B4GALNT4: variants seen among roughly 807,000 people sequenced by gnomAD.
B4GALNT4 encodes beta-1,4-N-acetyl-galactosaminyltransferase 4, also known as N-acetyl-beta-glucosaminyl-glycoprotein 4-beta-N-acetylgalactosaminyltransferase 1.
A neutral mutation model predicts 110.0 loss-of-function variants in B4GALNT4; 77 were observed. The observed-to-expected ratio is 0.70, with a 90% confidence interval of 0.58 to 0.85. The LOEUF is 0.85. Ranked by LOEUF, B4GALNT4 falls within the 40% of genes least tolerant of loss-of-function variation. The pLI, the probability that B4GALNT4 is intolerant of heterozygous loss-of-function variation, is 0.00. For missense variants in B4GALNT4, 1,575 were observed against 1,506.0 expected (o/e 1.05, Z -0.76); for synonymous variants, 785 against 655.5 (o/e 1.20, Z -3.02).
At position 379,848 on chromosome 11, in the gene B4GALNT4, C is replaced by G. The variant is rs200643221; in HGVS notation, c.2489-18C>G. 485 of 1,579,132 alleles carry G rather than the reference C, an allele frequency of 3.1e-4. 4 individuals are homozygous for G. In the East Asian group the frequency reaches 9.0e-3, roughly 29 times the overall value. The stretch of plus-strand genomic sequence containing the variant: ...AGTCAGCGTCGGCTCAGCGCCCCCC[C>G]CGCCTTTTCTCCTCCAGTGAAAAAC... On this transcript the variant is annotated intron_variant, in intron 15 of 19. Coordinates refer to ENST00000329962, the MANE Select transcript of B4GALNT4 (RefSeq NM_178537.5).
At chr11:371,579 C>T (rs2119635874) in intron 1 of B4GALNT4, among the ~76,000 whole-genome samples, 1 of 152,388 alleles carries the variant, frequency 6.6e-6, no homozygotes, top group Middle Eastern at 3.4e-3. Flanking sequence ...GCCTGGGCGT[C>T]AGCATCCATG....
In B4GALNT4 at chr11:380,240, G is replaced by T. The variant is rs766510280; in HGVS notation, c.2715+38G>T. On this transcript the variant is annotated intron_variant, in intron 17 of 19. Coordinates refer to ENST00000329962, the MANE Select transcript of B4GALNT4 (RefSeq NM_178537.5). ...CATGGGGGTCGGGGAGCAAAACGGG[G>T]CGTGCCCGGGGAGGAGCGGAGGGCG... 16 of 1,607,254 alleles carry T rather than the reference G, an allele frequency of 1.0e-5. No individual in the cohort carries two copies. In the African/African-American group the frequency reaches 1.3e-4, roughly 13 times the overall value.
In B4GALNT4 at chr11:377,217, G is replaced by A. The variant is rs1351116448; in HGVS notation, c.2094G>A (p.Ser698=). The A allele has an allele frequency of 3.1e-6, 5 of 1,596,118 alleles. No homozygotes were observed. Among genetic ancestry groups the A allele is most frequent in the Non-Finnish European group, 4.3e-6 (5 of 1,172,542 alleles). ...VGAVDFELLR[S]DWNDLRCNVS... Reference sequence around the variant, plus strand: ...CCGTGGACTTCGAGCTGCTGCGCTCGGACTGGAACGACCTGCGATGCAACG... The same window carrying A: ...CCGTGGACTTCGAGCTGCTGCGCTCAGACTGGAACGACCTGCGATGCAACG... Residue 698 remains serine, a synonymous_variant, in exon 14 of 20, where the codon TCG becomes TCA. Coordinates refer to ENST00000329962, the MANE Select transcript of B4GALNT4 (RefSeq NM_178537.5).
intron 6 of B4GALNT4, 46 bp from the exon 7 acceptor site, chr11:373,403 A>ACTGGGGGGGGGGGG: frequency 7.9e-7 from 1 of 1,259,480 alleles, no homozygotes; most frequent in Non-Finnish European, 1.1e-6. Flanking sequence ...CCAGGGAGAG[A>ACTGGGGGGGGGGGG]GTGAACCCCC....
At position 380,394 on chromosome 11, in the gene B4GALNT4, G is replaced by A. The variant is rs529184280; in HGVS notation, c.2818G>A (p.Ala940Thr). The A allele has an allele frequency of 1.9e-6, 3 of 1,612,790 alleles. No individual in the cohort carries two copies. Among genetic ancestry groups the A allele is most frequent in the East Asian group, 2.2e-5 (1 of 44,854 alleles). ...CTGCGTGGAGGGCAGGCTGGCCTTC[G>A]CGCCCGTGGTCATGCGCCTGAGCTG... ...KHCVEGRLAF[A>T]PVVMRLSCGS... The change falls in exon 18 of 20, where the codon GCG becomes ACG. Residue 940 changes from alanine to threonine, a missense_variant. Coordinates refer to ENST00000329962, the MANE Select transcript of B4GALNT4 (RefSeq NM_178537.5).
At chr11:376,204 G>T in intron 12 of B4GALNT4, 30 bp downstream of exon 12, 1 of 1,587,604 alleles carries the variant, frequency 6.3e-7, no homozygotes, top group East Asian at 2.2e-5. Flanking sequence ...AATGCGGGGC[G>T]GGGTGGGCGG....
At position 377,264 on chromosome 11, in the gene B4GALNT4, C is replaced by T. The variant is rs567088543; in HGVS notation, c.2141C>T (p.Pro714Leu). ...AACGTTTCGGGGAACCTGCAGCTGC[C>T]GGAGGCGGAGGCCGTGGACGTGACC... ...RCNVSGNLQLPEAEAVDVTAQ... is the reference protein window; with the variant it reads ...RCNVSGNLQLLEAEAVDVTAQ... The change falls in exon 14 of 20, where the codon CCG becomes CTG. Residue 714 changes from proline (P) to leucine (L), a missense_variant. Transcript: ENST00000329962. 9.4e-6 allele frequency: 15 copies of T among 1,594,044 alleles called. No individual in the cohort carries two copies. Among genetic ancestry groups the T allele is most frequent in the East Asian group, 4.6e-5 (2 of 43,856 alleles).
rs1297276165 is a variant in B4GALNT4, at chr11:376,160, G to C, written c.1182G>C (p.Pro394=). The change falls in exon 12 of 20, where the codon CCG becomes CCC. Residue 394 remains proline (P), a synonymous_variant. Transcript: ENST00000329962. ...TDNKCFYRES[P]LYLERFGFYK... ...ACAAGTGCTTCTACCGCGAGTCTCC[G>C]CTGTATCTGGAGAGGTGGGCGCGCG... 3.8e-6 allele frequency: 6 copies of C among 1,583,970 alleles called. No individual in the cohort carries two copies. Among genetic ancestry groups the C allele is most frequent in the East Asian group, 2.3e-5 (1 of 42,824 alleles).
At chr11:370,746 G>T (rs1564866910) in intron 1 of B4GALNT4, among the ~76,000 whole-genome samples, 1 of 152,136 alleles carries the variant, frequency 6.6e-6, no homozygotes, top group African/African-American at 2.4e-5. Context: ...GCCCAGACCA[G>T]GAGAGACCCC....
In B4GALNT4 at chr11:380,218, G is replaced by A; in HGVS notation, c.2715+16G>A. 6.2e-7 allele frequency: 1 copy of A among 1,604,814 alleles called. No homozygotes were observed. The highest frequency in any genetic ancestry group is 8.5e-7 in the Non-Finnish European group (1 of 1,174,040). ...CGCGGTAGAGGTCCGAGGGCCCCAT[G>A]GGGGTCGGGGAGCAAAACGGGGCGT... On this transcript the variant is annotated intron_variant, in intron 17 of 19. Transcript: ENST00000329962.
Position 381,875 on chromosome 11 carries a change from C to G in B4GALNT4, c.*83C>G, listed in dbSNP as rs537649740. 7.1e-7 allele frequency: 1 copy of G among 1,416,350 alleles called. No individual in the cohort carries two copies. Among genetic ancestry groups the G allele is most frequent in the South Asian group, 1.5e-5 (1 of 67,816 alleles). 87.7% of individuals were successfully genotyped at this position (1,416,350 alleles called of 1,614,324 possible). On this transcript the variant is annotated 3_prime_UTR_variant, in exon 20 of 20. Coordinates refer to ENST00000329962, the MANE Select transcript of B4GALNT4 (RefSeq NM_178537.5). The stretch of plus-strand genomic sequence containing the variant: ...GCTTTGAGCTCGGTCCCGAGAGACC[C>G]GGCAGGGCTGGTCAGAGGGGCACAG...
At chr11:373,420 ACC>A in intron 6 of B4GALNT4, 27 bp from the exon 7 acceptor site, 3 of 785,006 alleles carry the variant, frequency 3.8e-6, no homozygotes, top group Non-Finnish European at 5.6e-6. Flanking sequence ...CCCCCCCCCC[ACC>A]ACCACCCCTG....
chr11:373,407 A>C (rs767595860), intron 6 of B4GALNT4, 42 bp from the exon 7 acceptor site: 5 of 821,174 alleles, frequency 6.1e-6, no homozygotes, highest in Non-Finnish European at 3.7e-6. Context: ...GGAGAGAGTG[A>C]ACCCCCCCCC....
intron 14 of B4GALNT4, among the ~76,000 whole-genome samples, chr11:378,188 T>C (rs7481525): frequency 0.46 from 70,593 of 151,900 alleles, 17,181 homozygotes; most frequent in African/African-American, 0.61. Flanking sequence ...GAGGCACAGC[T>C]GCATGTGACT....
At position 372,134 on chromosome 11, in the gene B4GALNT4, C is replaced by T. The variant is rs142608783; in HGVS notation, c.177C>T (p.Thr59=). The T allele has an allele frequency of 1.2e-4, 187 of 1,549,500 alleles. No individual in the cohort carries two copies. Among genetic ancestry groups the T allele is most frequent in the East Asian group, 3.2e-4 (13 of 40,928 alleles). ...ATGGTGAGAAGCTGACCAGTGAGAC[C>T]GACGGCCGGGGGGTCCACGCTGCGC... ...GRDGEKLTSE[T]DGRGVHAAPS... is the part of the protein sequence containing the mutation. Residue 59 remains threonine, a synonymous_variant, in exon 2 of 20, where the codon ACC becomes ACT. Coordinates refer to ENST00000329962, the MANE Select transcript of B4GALNT4 (RefSeq NM_178537.5).
Position 381,661 on chromosome 11 carries a change from G to A in B4GALNT4, c.2997-8G>A, listed in dbSNP as rs756398474. On this transcript the variant is annotated splice_polypyrimidine_tract_variant and splice_region_variant and intron_variant, in intron 19 of 19. Transcript: ENST00000329962. ...GGGTCCTGACCACCTCTCTGCCCCC[G>A]GCCCCAGGGTCCTGCAGGCAGGGCT... is the stretch of plus-strand genomic sequence containing the variant. 4 of 1,578,278 alleles carry A rather than the reference G, an allele frequency of 2.5e-6. No homozygotes were observed. The highest frequency in any genetic ancestry group is 2.6e-6 in the Non-Finnish European group (3 of 1,164,164).
chr11:376,052 C>A, intron 11 of B4GALNT4, 22 bp from the exon 12 acceptor site: 1 of 1,605,934 alleles, frequency 6.2e-7, no homozygotes, highest in Non-Finnish European at 8.5e-7. Flanking sequence ...CGCCCTGAGC[C>A]CTGCGCCCCC....
At chr11:375,401 C>G (rs1043290787) in intron 8 of B4GALNT4, 60 bp from the exon 9 acceptor site, 3 of 1,567,580 alleles carry the variant, frequency 1.9e-6, no homozygotes, top group Admixed American at 1.7e-5. Flanking sequence ...AGGGTAGACC[C>G]TTTCTTCCCT....
chr11:373,516 G>T lies in B4GALNT4; in HGVS notation c.704G>T (p.Arg235Leu). ...AGCTCCCAGGTGTCCAAGCCCAGGCGGTGAGTGACTGTGGGGTGCATGTGC... is the reference window on the plus strand; with the variant it reads ...AGCTCCCAGGTGTCCAAGCCCAGGCTGTGAGTGACTGTGGGGTGCATGTGC... ...KFSSQVSKPRRLMASRRYYFE... is the reference protein window; with the variant it reads ...KFSSQVSKPRLLMASRRYYFE... The change falls in exon 7 of 20, where the codon CGG (arginine) becomes CTG (leucine). Residue 235 changes from arginine to leucine, a missense_variant and splice_region_variant. By Grantham distance (102) the Arg-to-Leu change is moderately radical. Coordinates refer to ENST00000329962, the MANE Select transcript of B4GALNT4 (RefSeq NM_178537.5). The T allele has an allele frequency of 2.5e-6, 4 of 1,606,982 alleles. No individual in the cohort carries two copies. Among genetic ancestry groups the T allele is most frequent in the Non-Finnish European group, 3.4e-6 (4 of 1,177,852 alleles).
Sources: allele counts gnomAD v4.1 joint callset (sites outside exome capture counted in the v4.1 genomes callset), GRCh38; gene constraint gnomAD v4.1.1; transcripts MANE v1.5; gene names NCBI Gene and HGNC (gene_info 2026-07-23, HGNC 2026-07-21).